The following DST variants were observed in gnomAD, a reference collection of about 807,000 sequenced individuals.
The protein encoded by DST is bullous pemphigoid antigen.
Under a neutral mutation model 875.2 loss-of-function variants are expected in DST, and 253 were observed. The ratio of observed to expected loss-of-function variants is 0.29; its 90% CI spans 0.26 to 0.32. The LOEUF (loss-of-function observed/expected upper bound fraction) is 0.32, where lower values mean the gene tolerates loss of function less well. DST is among the 10% of genes least tolerant of loss of function. The probability of loss-of-function intolerance (pLI) is 1.00; values close to 1 mark genes in which losing one functional copy is unlikely to be tolerated. For synonymous variants in DST, 3,124 were observed against 3,197.1 expected, an observed-to-expected ratio of 0.98 and a Z score of 0.77; for missense variants, 8,287 against 9,111.6, an observed-to-expected ratio of 0.91 and a Z score of 3.68.
rs144019912 is a variant in DST at position 56,938,082 on chromosome 6, T to TTCTCTCTC, written c.216+15695_216+15702dup. Among the ~76,000 whole-genome samples, 331 of 131,662 alleles carry TTCTCTCTC rather than the reference T, an allele frequency of 2.5e-3. 3 individuals carry two copies. The highest frequency in any genetic ancestry group is 0.01 in the African/African-American group (316 of 30,396). 86.4% of individuals were successfully genotyped at this position (131,662 alleles called of 152,430 possible). A position where few individuals can be genotyped will look rare whatever the true frequency, so the allele number is the denominator to read the frequency against. Reference sequence around the variant, plus strand: ...CTAGAAATTACACCTCTCTCTCTCTTTCTCTCTCTCTCTCTCTCTCTCTCT... The same window carrying TTCTCTCTC: ...CTAGAAATTACACCTCTCTCTCTCTTTCTCTCTCTCTCTCTCTCTCTCTCTCTCTCTCT... On this transcript the variant is annotated intron_variant, in intron 2 of 103. Coordinates refer to ENST00000680361, the MANE Select transcript of DST (RefSeq NM_001374736.1).
intron 59 of DST, 121 bp downstream of exon 59, chr6:56,557,198 A>G (rs1015991433): frequency 1.9e-5 from 16 of 853,252 alleles, no homozygotes; most frequent in Non-Finnish European, 2.6e-5. Flanking sequence ...CATTACATAT[A>G]TACTTCAAAG....
At chr6:56,815,901 G>C (rs1220049604) in intron 4 of DST, among the ~76,000 whole-genome samples, 2 of 151,988 alleles carry the variant, frequency 1.3e-5, no homozygotes, top group Admixed American at 6.6e-5. Context: ...ATAGACATAA[G>C]GCATTCAGGA....
intron 4 of DST, among the ~76,000 whole-genome samples, chr6:56,824,761 T>C (rs1218082445): frequency 1.3e-5 from 2 of 149,660 alleles, no homozygotes; most frequent in Admixed American, 6.6e-5. Flanking sequence ...GAGGAGTCCC[T>C]CCGCCCGGCA....
intron 98 of DST, among the ~76,000 whole-genome samples, chr6:56,467,902 A>C (rs577614527): frequency 3.9e-5 from 6 of 152,294 alleles, no homozygotes; most frequent in African/African-American, 1.4e-4. Context: ...TGCAAATAAA[A>C]GATGCTCTCC....
intron 5 of DST, among the ~76,000 whole-genome samples, chr6:56,711,686 C>T (rs1383972881): frequency 6.6e-6 from 1 of 152,194 alleles, no homozygotes; most frequent in Non-Finnish European, 1.5e-5. Flanking sequence ...ACAAACTCCA[C>T]ACTACAATGT....
At position 56,604,725 on chromosome 6, in the gene DST, A is replaced by T. The variant is rs770641568; in HGVS notation, c.9903T>A (p.Asp3301Glu). The change falls in exon 40 of 104, where the codon GAT (aspartate) becomes GAA (glutamate). Residue 3301 changes from aspartate to glutamate, a missense_variant. Transcript: ENST00000680361. ...SERCANGLGN[D>E]NSSNTLNTDY... ...CAGTATTTAAAGTGTTACTGGAGTT[A>T]TCATTTCCTAATCCATTTGCACACC... 2 of 1,612,458 alleles carry T rather than the reference A, an allele frequency of 1.2e-6. No homozygotes were observed. Among genetic ancestry groups the T allele is most frequent in the African/African-American group, 2.7e-5 (2 of 74,806 alleles).
chr6:56,600,572 GAAGT>G (rs1233459425), intron 44 of DST, among the ~76,000 whole-genome samples: 2 of 152,020 alleles, frequency 1.3e-5, no homozygotes, highest in African/African-American at 4.8e-5. Context: ...CATCAAAAGA[GAAGT>G]TAGTTGTGAT....
chr6:56,621,616 A>C (rs2098691221), intron 36 of DST, among the ~76,000 whole-genome samples: 1 of 152,094 alleles, frequency 6.6e-6, no homozygotes, highest in African/African-American at 2.4e-5. Flanking sequence ...TATAAGAAAA[A>C]ATTTTTACTC....
rs191559731 is a variant in DST, at chr6:56,877,291, G to A, written c.417+23130C>T. Among the ~76,000 whole-genome samples, 6 of 152,274 alleles carry A rather than the reference G, an allele frequency of 3.9e-5. No homozygotes were observed. In the East Asian group the frequency reaches 1.2e-3, roughly 29 times the overall value. On this transcript the variant is annotated intron_variant, in intron 3 of 103. Coordinates refer to ENST00000680361, the MANE Select transcript of DST (RefSeq NM_001374736.1). Reference sequence around the variant, plus strand: ...TATTTGGCCGGGCTCAGTGGCTCACGCCTGTAATCCCAGCACTTTGTGGGG... The same window carrying A: ...TATTTGGCCGGGCTCAGTGGCTCACACCTGTAATCCCAGCACTTTGTGGGG...
chr6:56,466,262 A>T, intron 98 of DST, 67 bp from the exon 99 acceptor site: 1 of 1,107,108 alleles, frequency 9.0e-7, no homozygotes, highest in Non-Finnish European at 1.2e-6. Flanking sequence ...GATGATGTGC[A>T]ATTTGCAGTA....
At chr6:56,576,596 A>G (rs1371470839) in intron 50 of DST, among the ~76,000 whole-genome samples, 18 of 152,196 alleles carry the variant, frequency 1.2e-4, no homozygotes, top group Admixed American at 1.2e-3. Context: ...ATACACACAC[A>G]TCTGGTCACA....
intron 49 of DST, among the ~76,000 whole-genome samples, chr6:56,591,590 A>G (rs969038621): frequency 6.6e-6 from 1 of 152,198 alleles, no homozygotes; most frequent in Non-Finnish European, 1.5e-5. Flanking sequence ...AAGTATAAAG[A>G]TAAATAAGTG....
In DST at chr6:56,553,371, T is replaced by C. The variant is rs909965690; in HGVS notation, c.15421A>G (p.Asn5141Asp). ...SEKAALQLQL[N>D]TIKTNWDTFN... The stretch of plus-strand genomic sequence containing the variant: ...GTATCCCAATTGGTTTTAATTGTAT[T>C]AAGCTGTAACTGTAAGGCTGCCTTC... The change falls in exon 61 of 104, where the codon AAT (asparagine) becomes GAT (aspartate). Residue 5141 changes from asparagine to aspartate, a missense_variant. Physicochemically the swap from Asn to Asp is conservative, Grantham distance 23 (BLOSUM62 1). Coordinates refer to ENST00000680361, the MANE Select transcript of DST (RefSeq NM_001374736.1). 4 of 1,607,114 alleles carry C rather than the reference T, an allele frequency of 2.5e-6. No homozygotes were observed. In the African/African-American group the frequency reaches 5.4e-5, roughly 22 times the overall value.
chr6:56,482,258 G>T, intron 89 of DST, 80 bp from the exon 90 acceptor site: 1 of 1,437,758 alleles, frequency 7.0e-7, no homozygotes, highest in Non-Finnish European at 9.2e-7. Flanking sequence ...CTGTATAGTG[G>T]ATTCATCCCT....
chr6:56,497,292 C>G (rs1348583236), intron 82 of DST, 87 bp downstream of exon 82: 4 of 1,469,658 alleles, frequency 2.7e-6, no homozygotes, highest in Non-Finnish European at 3.7e-6. Context: ...TTAAAGCCTT[C>G]TCCCACGATT....
At chr6:56,839,966 A>G (rs2099798043) in intron 4 of DST, among the ~76,000 whole-genome samples, 1 of 152,214 alleles carries the variant, frequency 6.6e-6, no homozygotes, top group Admixed American at 6.5e-5. Flanking sequence ...AGAATGATAA[A>G]TGCAACACTT....
chr6:56,512,290 C>CT (rs1380837709), intron 72 of DST, among the ~76,000 whole-genome samples: 1 of 152,050 alleles, frequency 6.6e-6, no homozygotes, highest in African/African-American at 2.4e-5. Flanking sequence ...TCCCCATTCC[C>CT]TTTAATAGAG....
intron 4 of DST, among the ~76,000 whole-genome samples, chr6:56,755,254 C>T (rs553528446): frequency 7.2e-5 from 11 of 152,054 alleles, no homozygotes; most frequent in African/African-American, 2.4e-4. Context: ...CCTGTGGGCA[C>T]GCAGGAGGAG....
At position 56,603,923 on chromosome 6, in the gene DST, T is replaced by C. The variant is rs368638429; in HGVS notation, c.10705A>G (p.Lys3569Glu). 3.2e-5 allele frequency: 52 copies of C among 1,611,338 alleles called. No homozygotes were observed. The highest frequency in any genetic ancestry group is 4.2e-5 in the Non-Finnish European group (50 of 1,178,532). Residue 3569 changes from lysine to glutamate, a missense_variant, in exon 40 of 104, where the codon AAG (lysine) becomes GAG (glutamate). This residue lies in a region of DST where 3,138 missense variants were observed against 3,116.6 expected (regional missense o/e 1.01). Coordinates refer to ENST00000680361, the MANE Select transcript of DST (RefSeq NM_001374736.1). ...ASTLPRDEKL[K>E]DLCNDFPSHL... ...CTTGGGAAATCATTACACAGATCCT[T>C]GAGCTTCTCATCTCTTGGCAATGTT...
Sources: allele counts gnomAD v4.1 joint callset (sites outside exome capture counted in the v4.1 genomes callset), GRCh38; gene constraint gnomAD v4.1.1; regional missense constraint gnomAD v4.1.1; transcripts MANE v1.5; gene names NCBI Gene and HGNC (gene_info 2026-07-23, HGNC 2026-07-21).